Variants in TLR4 observed in about 807,000 individuals in gnomAD.
The protein encoded by TLR4 is toll-like receptor 4.
In TLR4, 17 loss-of-function variants were observed where a neutral mutation model predicts 27.4. That is an observed-to-expected ratio of 0.62 (90% CI 0.42 to 0.93). The LOEUF is 0.93. TLR4 is among the 40% of genes least tolerant of loss of function. The pLI, the probability that TLR4 is intolerant of heterozygous loss-of-function variation, is 0.00. For synonymous variants in TLR4, 363 were observed against 365.7 expected, an observed-to-expected ratio of 0.99 and a Z score of 0.08; for missense variants, 926 against 962.3, an observed-to-expected ratio of 0.96 and a Z score of 0.50.
At chr9:117,705,472 C>T (rs909304194) in intron 1 of TLR4, among the ~76,000 whole-genome samples, 2 of 152,158 alleles carry the variant, frequency 1.3e-5, no homozygotes, top group African/African-American at 4.8e-5. Flanking sequence ...AGTCCTCCTC[C>T]TTGTCCTCTT....
chr9:117,714,734 A>G lies in TLR4; in HGVS notation c.*86A>G. On this transcript the variant is annotated 3_prime_UTR_variant, in exon 3 of 3. Transcript: ENST00000355622. Reference sequence around the variant, plus strand: ...GTTAATAAGTATTAAATGCTGCCACATGTCAGGCCTTATGCTAAGGGTGAG... The same window carrying G: ...GTTAATAAGTATTAAATGCTGCCACGTGTCAGGCCTTATGCTAAGGGTGAG... 1 of 1,168,878 alleles carries G rather than the reference A, an allele frequency of 8.6e-7. No homozygotes were observed. The highest frequency in any genetic ancestry group is 1.3e-5 in the South Asian group (1 of 79,754). The allele number at this position is 1,168,878 out of a possible 1,614,324, so 72.4% of individuals were successfully genotyped here.
rs1829441004 is a variant in TLR4, at chr9:117,723,134, T to C, written c.*8486T>C. On this transcript the variant is annotated 3_prime_UTR_variant, in exon 3 of 3. Transcript: ENST00000355622. Reference sequence around the variant, plus strand: ...CAGGGCTGTTTCCTTACCTATAAATTGTGGCAATTGGAGTAAATGTCCATT... The same window carrying C: ...CAGGGCTGTTTCCTTACCTATAAATCGTGGCAATTGGAGTAAATGTCCATT... 1 of 152,176 alleles carries C rather than the reference T, an allele frequency of 6.6e-6. No individual in the cohort carries two copies. The highest frequency in any genetic ancestry group is 2.1e-4 in the South Asian group (1 of 4,834). 9.4% of individuals were successfully genotyped at this position (152,176 alleles called of 1,614,324 possible). A position where few individuals can be genotyped will look rare whatever the true frequency, so the allele number is the denominator to read the frequency against.
chr9:117,718,604 T>C lies in TLR4; in HGVS notation c.*3956T>C, dbSNP rs1260910271. On this transcript the variant is annotated 3_prime_UTR_variant, in exon 3 of 3. Transcript: ENST00000355622. ...GGAGAAAGCCAAAACTCAAATTCACTCCTTATCAACTGTGTGCCTTGGGCT... is the reference window on the plus strand; with the variant it reads ...GGAGAAAGCCAAAACTCAAATTCACCCCTTATCAACTGTGTGCCTTGGGCT... 1 of 152,076 alleles carries C rather than the reference T, an allele frequency of 6.6e-6. No homozygotes were observed. Among genetic ancestry groups the C allele is most frequent in the Admixed American group, 6.6e-5 (1 of 15,266 alleles). 9.4% of individuals were successfully genotyped at this position (152,076 alleles called of 1,614,324 possible). A position where few individuals can be genotyped will look rare whatever the true frequency, so the allele number is the denominator to read the frequency against.
rs562851931 is a variant in TLR4 at position 117,710,177 on chromosome 9, T to C, written c.260+1448T>C. Among the ~76,000 whole-genome samples the C allele has an allele frequency of 2.6e-5, 4 of 152,210 alleles. No homozygotes were observed. In the South Asian group the frequency reaches 6.2e-4, roughly 24 times the overall value. ...GATACCATCACTCAGGTAGTGAGCA[T>C]AGTACCCAATAGTTAGTTTTTCAAC... On this transcript the variant is annotated intron_variant, in intron 2 of 2. Transcript: ENST00000355622.
In TLR4 at chr9:117,712,559, T is replaced by C; in HGVS notation, c.431T>C (p.Phe144Ser). ...ACAAATCTAGCATCTCTAGAGAACT[T>C]CCCCATTGGACATCTCAAAACTTTG... Reference protein sequence around the residue: ...VETNLASLENFPIGHLKTLKE... With the variant: ...VETNLASLENSPIGHLKTLKE... The change falls in exon 3 of 3, where the codon TTC (phenylalanine) becomes TCC (serine). Residue 144 changes from phenylalanine to serine, a missense_variant. By Grantham distance (155) the Phe-to-Ser change is radical. Coordinates refer to ENST00000355622, the MANE Select transcript of TLR4 (RefSeq NM_138554.5). 6.2e-7 allele frequency: 1 copy of C among 1,614,004 alleles called. No homozygotes were observed. Among genetic ancestry groups the C allele is most frequent in the Non-Finnish European group, 8.5e-7 (1 of 1,179,960 alleles).
rs1008773248 is a variant in TLR4, at chr9:117,710,982, C to G, written c.261-1407C>G. Among the ~76,000 whole-genome samples, 5 of 151,998 alleles carry G rather than the reference C, an allele frequency of 3.3e-5. No homozygotes were observed. In the South Asian group the frequency reaches 1.0e-3, roughly 31 times the overall value. ...TTCTCACCTAATGTATAGAGCAATG[C>G]AGAGATAGAATGATGGGCTATAACA... On this transcript the variant is annotated intron_variant, in intron 2 of 2. Transcript: ENST00000355622.
In TLR4 at chr9:117,717,053, G is replaced by A. The variant is rs553312541; in HGVS notation, c.*2405G>A. 7.2e-5 allele frequency: 11 copies of A among 152,300 alleles called. No homozygotes were observed. Among genetic ancestry groups the A allele is most frequent in the African/African-American group, 2.6e-4 (11 of 41,570 alleles). 9.4% of individuals were successfully genotyped at this position (152,300 alleles called of 1,614,324 possible). ...CATGTCTCATGTACTAGTGAAAGTA[G>A]ATGTGTGCATTTGTGCACATATCCC... On this transcript the variant is annotated 3_prime_UTR_variant, in exon 3 of 3. Coordinates refer to ENST00000355622, the MANE Select transcript of TLR4 (RefSeq NM_138554.5).
Position 117,713,139 on chromosome 9 carries a change from A to C in TLR4, c.1011A>C (p.Leu337Phe), listed in dbSNP as rs754404915. 1.1e-5 allele frequency: 17 copies of C among 1,613,292 alleles called. No homozygotes were observed. The highest frequency in any genetic ancestry group is 1.4e-5 in the Non-Finnish European group (16 of 1,179,454). The change falls in exon 3 of 3, where the codon TTA becomes TTC. Residue 337 changes from leucine (L) to phenylalanine (F), a missense_variant. Coordinates refer to ENST00000355622, the MANE Select transcript of TLR4 (RefSeq NM_138554.5). ...ATTTCGGATGGCAACATTTAGAATT[A>C]GTTAACTGTAAATTTGGACAGTTTC... is the stretch of plus-strand genomic sequence containing the variant. ...SYNFGWQHLE[L>F]VNCKFGQFPT...
In TLR4 at chr9:117,719,960, C is replaced by T. The variant is rs1829404131; in HGVS notation, c.*5312C>T. On this transcript the variant is annotated 3_prime_UTR_variant, in exon 3 of 3. Transcript: ENST00000355622. ...TTTTAGAAATGAGAAAAGAGATGCCCAGAGAGGACGAGTAACTTGCCTTAG... is the reference window on the plus strand; with the variant it reads ...TTTTAGAAATGAGAAAAGAGATGCCTAGAGAGGACGAGTAACTTGCCTTAG... 6.6e-6 allele frequency: 1 copy of T among 152,100 alleles called. No homozygotes were observed. Among genetic ancestry groups the T allele is most frequent in the Non-Finnish European group, 1.5e-5 (1 of 68,034 alleles). 9.4% of individuals were successfully genotyped at this position (152,100 alleles called of 1,614,324 possible). A position where few individuals can be genotyped will look rare whatever the true frequency, so the allele number is the denominator to read the frequency against.
chr9:117,713,184 T>C lies in TLR4; in HGVS notation c.1056T>C (p.Ser352=). 4 of 1,614,054 alleles carry C rather than the reference T, an allele frequency of 2.5e-6. No homozygotes were observed. The highest frequency in any genetic ancestry group is 3.4e-6 in the Non-Finnish European group (4 of 1,179,978). ...AGTTTCCCACATTGAAACTCAAATCTCTCAAAAGGCTTACTTTCACTTCCA... is the reference window on the plus strand; with the variant it reads ...AGTTTCCCACATTGAAACTCAAATCCCTCAAAAGGCTTACTTTCACTTCCA... ...FGQFPTLKLK[S]LKRLTFTSNK... The change falls in exon 3 of 3, where the codon TCT becomes TCC. Residue 352 remains serine, a synonymous_variant. Coordinates refer to ENST00000355622, the MANE Select transcript of TLR4 (RefSeq NM_138554.5).
Position 117,712,636 on chromosome 9 carries a change from T to A in TLR4, c.508T>A (p.Tyr170Asn). 6.2e-7 allele frequency: 1 copy of A among 1,614,028 alleles called. No homozygotes were observed. The highest frequency in any genetic ancestry group is 1.3e-5 in the African/African-American group (1 of 75,046). ...TATCCAATCTTTCAAATTACCTGAGTATTTTTCTAATCTGACCAATCTAGA... is the reference window on the plus strand; with the variant it reads ...TATCCAATCTTTCAAATTACCTGAGAATTTTTCTAATCTGACCAATCTAGA... The part of the protein sequence containing the change: ...NLIQSFKLPE[Y>N]FSNLTNLEHL... Residue 170 changes from tyrosine to asparagine, a missense_variant, in exon 3 of 3, where the codon TAT becomes AAT. Physicochemically the swap from Tyr to Asn is moderately radical, Grantham distance 143 (BLOSUM62 -2). Transcript: ENST00000355622.
chr9:117,712,816 A>G lies in TLR4; in HGVS notation c.688A>G (p.Lys230Glu), dbSNP rs200759610. Reference sequence around the variant, plus strand: ...TGCATTTAAAGAAATTAGGCTTCATAAGCTGACTTTAAGAAATAATTTTGA... The same window carrying G: ...TGCATTTAAAGAAATTAGGCTTCATGAGCTGACTTTAAGAAATAATTTTGA... ...PGAFKEIRLH[K>E]LTLRNNFDSL... The change falls in exon 3 of 3, where the codon AAG becomes GAG. Residue 230 changes from lysine (K) to glutamate (E), a missense_variant. Lys to Glu is a moderately conservative substitution (Grantham distance 56). Transcript: ENST00000355622. 8.7e-6 allele frequency: 14 copies of G among 1,613,886 alleles called. No homozygotes were observed. The highest frequency in any genetic ancestry group is 1.1e-5 in the Non-Finnish European group (13 of 1,180,004).
chr9:117,709,840 T>C lies in TLR4; in HGVS notation c.260+1111T>C, dbSNP rs568278091. Among the ~76,000 whole-genome samples the C allele has an allele frequency of 7.2e-5, 11 of 152,162 alleles. No homozygotes were observed. The South Asian group carries it at 1.9e-3, about 26-fold the overall frequency. ...CAGTGGTATAGTGCATAGAGTCCTG[T>C]TGGGGTCAGAAGACCTGAGCCAAGT... On this transcript the variant is annotated intron_variant, in intron 2 of 2. Transcript: ENST00000355622.
chr9:117,719,959 C>T lies in TLR4; in HGVS notation c.*5311C>T, dbSNP rs1829404101. On this transcript the variant is annotated 3_prime_UTR_variant, in exon 3 of 3. Transcript: ENST00000355622. ...ATTTTAGAAATGAGAAAAGAGATGC[C>T]CAGAGAGGACGAGTAACTTGCCTTA... 6.6e-6 allele frequency: 1 copy of T among 151,978 alleles called. No individual in the cohort carries two copies. The allele number at this position is 151,978 out of a possible 1,614,324, so 9.4% of individuals were successfully genotyped here. A position where few individuals can be genotyped will look rare whatever the true frequency, so the allele number is the denominator to read the frequency against.
intron 2 of TLR4, among the ~76,000 whole-genome samples, chr9:117,711,805 C>T (rs1429532714): frequency 2.6e-5 from 4 of 152,130 alleles, no homozygotes; most frequent in East Asian, 1.9e-4. Context: ...CCACAAAACT[C>T]GCTCCTATCA....
intron 1 of TLR4, among the ~76,000 whole-genome samples, chr9:117,706,669 C>T (rs1829142002): frequency 6.6e-6 from 1 of 152,170 alleles, no homozygotes; most frequent in Non-Finnish European, 1.5e-5. Flanking sequence ...TTTTCTTCCC[C>T]TTTCCACATA....
At position 117,713,821 on chromosome 9, in the gene TLR4, C is replaced by T. The variant is rs201413217; in HGVS notation, c.1693C>T (p.Gln565Ter). Residue 565 changes from glutamine to a stop codon, truncating the protein, a stop_gained, in exon 3 of 3, where the codon CAG becomes TAG. Transcript: ENST00000355622. LOFTEE classifies it high-confidence loss of function. ...HIMTSKKQELQHFPSSLAFLN... is the reference protein window; with the variant it reads ...HIMTSKKQEL ...AATGACTTCCAAAAAACAGGAACTA[C>T]AGCATTTTCCAAGTAGTCTAGCTTT... 1.2e-6 allele frequency: 2 copies of T among 1,613,984 alleles called. No homozygotes were observed. Among genetic ancestry groups the T allele is most frequent in the Non-Finnish European group, 1.7e-6 (2 of 1,180,018 alleles).
rs1316276083 is a variant in TLR4, at chr9:117,713,827, T to G, written c.1699T>G (p.Phe567Val). The change falls in exon 3 of 3, where the codon TTT (phenylalanine) becomes GTT (valine). Residue 567 changes from phenylalanine (F) to valine (V), a missense_variant. Phe to Val is a conservative substitution (Grantham distance 50). Coordinates refer to ENST00000355622, the MANE Select transcript of TLR4 (RefSeq NM_138554.5). ...TTCCAAAAAACAGGAACTACAGCAT[T>G]TTCCAAGTAGTCTAGCTTTCTTAAA... Reference protein sequence around the residue: ...MTSKKQELQHFPSSLAFLNLT... With the variant: ...MTSKKQELQHVPSSLAFLNLT... 2.5e-6 allele frequency: 4 copies of G among 1,614,022 alleles called. No homozygotes were observed. Among genetic ancestry groups the G allele is most frequent in the Non-Finnish European group, 3.4e-6 (4 of 1,180,006 alleles).
In TLR4 at chr9:117,713,730, A is replaced by G. The variant is rs1318673550; in HGVS notation, c.1602A>G (p.Ser534=). ...VLNMSHNNFF[S]LDTFPYKCLN... ...ATATGAGCCACAACAACTTCTTTTC[A>G]TTGGATACGTTTCCTTATAAGTGTC... The change falls in exon 3 of 3, where the codon TCA becomes TCG. Residue 534 remains serine, a synonymous_variant. Transcript: ENST00000355622. 12 of 1,613,980 alleles carry G rather than the reference A, an allele frequency of 7.4e-6. No homozygotes were observed. Among genetic ancestry groups the G allele is most frequent in the Non-Finnish European group, 1.0e-5 (12 of 1,180,000 alleles).
Sources: allele counts gnomAD v4.1 joint callset (sites outside exome capture counted in the v4.1 genomes callset), GRCh38; gene constraint gnomAD v4.1.1; transcripts MANE v1.5; gene names NCBI Gene and HGNC (gene_info 2026-07-23, HGNC 2026-07-21).